Variants in WDR90 observed in about 807,000 individuals in gnomAD.
The protein encoded by WDR90 is WD repeat domain 90, also known as WD repeat-containing protein 90.
WDR90 carries 238 observed loss-of-function variants against 195.2 expected under a neutral mutation model. The observed-to-expected ratio is 1.22, with a 90% CI of 1.10 to 1.36. The LOEUF (loss-of-function observed/expected upper bound fraction) is 1.36, where lower values mean the gene tolerates loss of function less well. Among genes scored for constraint, WDR90 ranks in the 40% most tolerant of loss-of-function variants. The probability of loss-of-function intolerance (pLI) is 0.00; values close to 1 mark genes in which losing one functional copy is unlikely to be tolerated. For synonymous variants in WDR90, 1,265 were observed against 1,052.4 expected (o/e 1.20, Z -3.91); for missense variants, 2,734 against 2,439.5 (o/e 1.12, Z -2.54).
chr16:657,942 G>T, intron 21 of WDR90, 50 bp downstream of exon 21: 1 of 1,497,250 alleles, frequency 6.7e-7, no homozygotes, highest in Non-Finnish European at 8.9e-7. Flanking sequence ...ATGAGAGGCT[G>T]GCTGCAGGGG....
In WDR90 at chr16:660,171, G is replaced by C; in HGVS notation, c.3288+10G>C. ...CCCCCACTCTGCCAAGGTGGGGAGT[G>C]GTTTCTGGGAGCCCTCTTTATCCCC... On this transcript the variant is annotated intron_variant, in intron 27 of 40. Coordinates refer to ENST00000293879, the MANE Select transcript of WDR90 (RefSeq NM_145294.5). The C allele has an allele frequency of 6.6e-7, 1 of 1,506,086 alleles. No individual in the cohort carries two copies. Among genetic ancestry groups the C allele is most frequent in the Non-Finnish European group, 8.9e-7 (1 of 1,120,638 alleles). 93.3% of individuals were successfully genotyped at this position (1,506,086 alleles called of 1,614,324 possible).
chr16:655,542 G>C (rs2037733160), intron 15 of WDR90, 31 bp from the exon 16 acceptor site: 1 of 1,560,898 alleles, frequency 6.4e-7, no homozygotes, highest in South Asian at 1.2e-5. Flanking sequence ...TTCCCTGAGG[G>C]CCTCACCTTC....
chr16:652,371 A>G, intron 9 of WDR90, 96 bp from the exon 10 acceptor site: 1 of 1,405,802 alleles, frequency 7.1e-7, no homozygotes, highest in East Asian at 2.3e-5. Flanking sequence ...CTTGAGAGGC[A>G]GGACCCAGCT....
At chr16:665,511 A>G (rs767714996) in intron 34 of WDR90, 168 bp from the exon 35 acceptor site, 54 of 1,039,772 alleles carry the variant, frequency 5.2e-5, no homozygotes, top group Non-Finnish European at 7.1e-5. Flanking sequence ...GTGCAGGGAC[A>G]CACACGGGGG....
rs1460208407 is a variant in WDR90 at position 662,345 on chromosome 16, C to T, written c.4145+14C>T. ...CTCAGGCGCCAGGTGAGCTGTTCAC[C>T]CCTACGTGTTTTGGCTGCACGTGGG... On this transcript the variant is annotated intron_variant, in intron 33 of 40. Coordinates refer to ENST00000293879, the MANE Select transcript of WDR90 (RefSeq NM_145294.5). 6 of 1,550,876 alleles carry T rather than the reference C, an allele frequency of 3.9e-6. No individual in the cohort carries two copies. Among genetic ancestry groups the T allele is most frequent in the African/African-American group, 1.4e-5 (1 of 73,388 alleles).
intron 6 of WDR90, 24 bp downstream of exon 6, chr16:651,127 G>A (rs1293469090): frequency 6.2e-7 from 1 of 1,613,354 alleles, no homozygotes; most frequent in Admixed American, 1.7e-5. Context: ...CTTCTTTCGA[G>A]GGAGGCCTCG....
In WDR90 at chr16:655,809, C is replaced by T. The variant is rs377343299; in HGVS notation, c.1886C>T (p.Pro629Leu). The change falls in exon 17 of 41, where the codon CCG becomes CTG. Residue 629 changes from proline (P) to leucine (L), a missense_variant. Physicochemically the swap from Pro to Leu is moderately conservative, Grantham distance 98. Transcript: ENST00000293879. Reference sequence around the variant, plus strand: ...GCCATCAGCAGCCTCAGCGTCTCCCCGGCCATGTGTGCTGTGGGCTCTGAG... The same window carrying T: ...GCCATCAGCAGCCTCAGCGTCTCCCTGGCCATGTGTGCTGTGGGCTCTGAG... ...GIAISSLSVS[P>L]AMCAVGSEDG... is the part of the protein sequence containing the mutation. The T allele has an allele frequency of 3.9e-5, 62 of 1,592,282 alleles. No homozygotes were observed. Among genetic ancestry groups the T allele is most frequent in the Non-Finnish European group, 4.1e-5 (48 of 1,171,082 alleles).
intron 18 of WDR90, 49 bp from the exon 19 acceptor site, chr16:656,683 G>A (rs775468122): frequency 6.3e-7 from 1 of 1,589,128 alleles, no homozygotes. Flanking sequence ...GAGAGCCCCT[G>A]GGCCCTTGAG....
At chr16:654,927 A>C in intron 13 of WDR90, 102 bp from the exon 14 acceptor site, 1 of 1,116,968 alleles carries the variant, frequency 9.0e-7, no homozygotes, top group Non-Finnish European at 1.3e-6. Flanking sequence ...TGGTCTCCGC[A>C]TGAGAGAAAA....
In WDR90 at chr16:650,172, G is replaced by A; in HGVS notation, c.279+5G>A. 1 of 1,611,826 alleles carries A rather than the reference G, an allele frequency of 6.2e-7. No individual in the cohort carries two copies. The highest frequency in any genetic ancestry group is 8.5e-7 in the Non-Finnish European group (1 of 1,179,058). On this transcript the variant is annotated splice_donor_5th_base_variant and intron_variant, in intron 3 of 40. Transcript: ENST00000293879. Reference sequence around the variant, plus strand: ...CACCTCGATGTGTCCTCCAAGGTACGGAGCCCGCGGCTGGGGGCTGCGTGG... The same window carrying A: ...CACCTCGATGTGTCCTCCAAGGTACAGAGCCCGCGGCTGGGGGCTGCGTGG...
rs1159196168 is a variant in WDR90 at position 660,167 on chromosome 16, G to A, written c.3288+6G>A. On this transcript the variant is annotated splice_donor_region_variant and intron_variant, in intron 27 of 40. Coordinates refer to ENST00000293879, the MANE Select transcript of WDR90 (RefSeq NM_145294.5). ...GCAGCCCCCACTCTGCCAAGGTGGG[G>A]AGTGGTTTCTGGGAGCCCTCTTTAT... 4.2e-5 allele frequency: 63 copies of A among 1,513,540 alleles called. No homozygotes were observed. Among genetic ancestry groups the A allele is most frequent in the Non-Finnish European group, 5.4e-5 (61 of 1,124,720 alleles). The allele number at this position is 1,513,540 out of a possible 1,614,324, so 93.8% of individuals were successfully genotyped here. A position where few individuals can be genotyped will look rare whatever the true frequency, so the allele number is the denominator to read the frequency against.
At chr16:661,859 G>A (rs895790689) in intron 31 of WDR90, 32 bp from the exon 32 acceptor site, 1 of 1,598,134 alleles carries the variant, frequency 6.3e-7, no homozygotes, top group Non-Finnish European at 8.6e-7. Context: ...CCGGGACACT[G>A]CTGACCCATG....
Position 661,613 on chromosome 16 carries a change from C to A in WDR90, c.3690C>A (p.Arg1230=), listed in dbSNP as rs1199177364. ...CCTTCCCAGGGGACCACGATGGCCGCACCCTCGCCCTGTGGGGCACGGCCA... is the reference window on the plus strand; with the variant it reads ...CCTTCCCAGGGGACCACGATGGCCGAACCCTCGCCCTGTGGGGCACGGCCA... ...LLVTLGDHDG[R]TLALWGTATY... is the part of the protein sequence containing the mutation. Residue 1230 remains arginine (R), a synonymous_variant, in exon 31 of 41, where the codon CGC becomes CGA. Coordinates refer to ENST00000293879, the MANE Select transcript of WDR90 (RefSeq NM_145294.5). 6.3e-7 allele frequency: 1 copy of A among 1,592,606 alleles called. No individual in the cohort carries two copies. Among genetic ancestry groups the A allele is most frequent in the Non-Finnish European group, 8.6e-7 (1 of 1,168,160 alleles).
At chr16:649,929 C>A (rs1596457348) in intron 2 of WDR90, 62 bp from the exon 3 acceptor site, 2 of 1,603,562 alleles carry the variant, frequency 1.2e-6, no homozygotes, top group East Asian at 2.2e-5. Context: ...CCCCGAGGGC[C>A]CCCTCGCCCC....
chr16:653,860 TG>T (rs2037694017), intron 13 of WDR90, 57 bp downstream of exon 13: 2 of 1,594,570 alleles, frequency 1.3e-6, no homozygotes, highest in African/African-American at 2.7e-5. Flanking sequence ...CGCAGACAGC[TG>T]GAAGGGTCTT....
chr16:663,056 G>C lies in WDR90; in HGVS notation c.4311+212G>C, dbSNP rs532630243. The C allele has an allele frequency of 6.7e-5, 49 of 735,112 alleles. No homozygotes were observed. The African/African-American group carries it at 7.6e-4, about 11-fold the overall frequency. The allele number at this position is 735,112 out of a possible 1,614,324, so 45.5% of individuals were successfully genotyped here. On this transcript the variant is annotated intron_variant, in intron 34 of 40. Transcript: ENST00000293879. ...TCTGCACAAGCGAGCCGCCTGGCAG[G>C]CCTTGCAGGTCTTCTCAAACTGTCC... is the stretch of plus-strand genomic sequence containing the variant.
In WDR90 at chr16:656,725, C is replaced by T. The variant is rs1296129217; in HGVS notation, c.2203-7C>T. On this transcript the variant is annotated splice_polypyrimidine_tract_variant and splice_region_variant and intron_variant, in intron 18 of 40. Coordinates refer to ENST00000293879, the MANE Select transcript of WDR90 (RefSeq NM_145294.5). ...GCCCTCCCCTCAGCACGGCCCCTGTCCCACAGCTATACGACTTCACATCAT... is the reference window on the plus strand; with the variant it reads ...GCCCTCCCCTCAGCACGGCCCCTGTTCCACAGCTATACGACTTCACATCAT... 1 of 1,611,284 alleles carries T rather than the reference C, an allele frequency of 6.2e-7. No homozygotes were observed. Among genetic ancestry groups the T allele is most frequent in the Non-Finnish European group, 8.5e-7 (1 of 1,178,896 alleles).
intron 40 of WDR90, 105 bp downstream of exon 40, chr16:667,094 C>G: frequency 1.6e-6 from 2 of 1,235,568 alleles, no homozygotes; most frequent in South Asian, 1.3e-5. Context: ...CCGGGCTCCT[C>G]GTCTCTGGGG....
At position 659,144 on chromosome 16, in the gene WDR90, G is replaced by C; in HGVS notation, c.3052+18G>C. ...CAAGACAGGTGAGTGGCTGTGCTCA[G>C]CTGGGGTGCAGGTGCTGCGCTGACT... is the stretch of plus-strand genomic sequence containing the variant. On this transcript the variant is annotated intron_variant, in intron 25 of 40. Coordinates refer to ENST00000293879, the MANE Select transcript of WDR90 (RefSeq NM_145294.5). 6.2e-7 allele frequency: 1 copy of C among 1,611,146 alleles called. No homozygotes were observed. The highest frequency in any genetic ancestry group is 1.3e-5 in the African/African-American group (1 of 75,014).
Sources: allele counts gnomAD v4.1 joint callset, GRCh38; gene constraint gnomAD v4.1.1; transcripts MANE v1.5; gene names NCBI Gene and HGNC (gene_info 2026-07-23, HGNC 2026-07-21).